Variants in DYNLT1 observed in about 807,000 individuals in gnomAD.
DYNLT1 encodes dynein light chain Tctex-type 1, also known as T-complex testis-specific protein 1 homolog.
A neutral mutation model predicts 19.6 loss-of-function variants in DYNLT1; 18 were observed. The observed-to-expected ratio is 0.92, with a 90% confidence interval of 0.64 to 1.36. The LOEUF (loss-of-function observed/expected upper bound fraction) is 1.36, where lower values mean the gene tolerates loss of function less well. DYNLT1 is among the 40% of genes most tolerant of loss of function. The pLI is 0.00. For missense variants in DYNLT1, 137 were observed against 139.3 expected (o/e 0.98, Z 0.08); for synonymous variants, 56 against 44.0 (o/e 1.27, Z -1.07).
intron 1 of DYNLT1, chr6:158,642,482 T>G (rs573422719): frequency 6.6e-6 from 1 of 152,348 alleles, no homozygotes; most frequent in Middle Eastern, 3.4e-3. Flanking sequence ...ACGTGCATCC[T>G]GAGGGAATCA....
At chr6:158,637,424 A>G in intron 3 of DYNLT1, 2 of 621,998 alleles carry the variant, frequency 3.2e-6, no homozygotes, top group South Asian at 4.1e-5. Flanking sequence ...CAATATATGA[A>G]AATGTAAGTT....
chr6:158,644,605 T>A, intron 1 of DYNLT1, 77 bp downstream of exon 1: 1 of 1,582,056 alleles, frequency 6.3e-7, no homozygotes, highest in Non-Finnish European at 8.6e-7. Context: ...CAGCCAGGCC[T>A]TTCCGGGCAG....
At chr6:158,637,473 G>C in intron 3 of DYNLT1, 1 of 614,504 alleles carries the variant, frequency 1.6e-6, no homozygotes, top group South Asian at 2.1e-5. Context: ...CATCAAAGTT[G>C]AAAAATTCTA....
intron 2 of DYNLT1, among the ~76,000 whole-genome samples, chr6:158,640,512 G>A (rs1051002608): frequency 1.3e-5 from 2 of 151,912 alleles, no homozygotes; most frequent in African/African-American, 2.4e-5. Context: ...TCTCAGCACC[G>A]CTCCAGCCAC....
chr6:158,641,044 C>T (rs1167051601), intron 2 of DYNLT1, among the ~76,000 whole-genome samples: 1 of 152,126 alleles, frequency 6.6e-6, no homozygotes, highest in African/African-American at 2.4e-5. Flanking sequence ...ATTTGTATAC[C>T]AGGATTCTTT....
chr6:158,641,281 CCATTAAA>C (rs759379169), intron 2 of DYNLT1, 31 bp downstream of exon 2: 1 of 1,553,658 alleles, frequency 6.4e-7, no homozygotes, highest in South Asian at 1.2e-5. Context: ...CTAATATAAG[CCATTAAA>C]CATTTAAGAA....
At chr6:158,641,058 G>T (rs1254003581) in intron 2 of DYNLT1, among the ~76,000 whole-genome samples, 1 of 152,016 alleles carries the variant, frequency 6.6e-6, no homozygotes, top group Non-Finnish European at 1.5e-5. Context: ...ATTCTTTTAT[G>T]CTTAAAAGAT....
chr6:158,639,260 T>G (rs1040377200), intron 2 of DYNLT1, among the ~76,000 whole-genome samples: 7 of 152,192 alleles, frequency 4.6e-5, no homozygotes, highest in East Asian at 1.9e-4. Flanking sequence ...AGGGCTGGCT[T>G]ACTTCTTGTC....
intron 1 of DYNLT1, among the ~76,000 whole-genome samples, chr6:158,643,838 T>C (rs186388089): frequency 6.6e-6 from 1 of 152,308 alleles, no homozygotes; most frequent in East Asian, 1.9e-4. Flanking sequence ...ATAGTTTATA[T>C]TTTTGACAGG....
In DYNLT1 at chr6:158,636,663, CTT is replaced by C. The variant is rs967826334; in HGVS notation, c.*162_*163del. ...GTGACCTACAGGGATACTCATCTGA[CTT>C]CGGTGCCATTCACATCACAGTGCGG... On this transcript the variant is annotated 3_prime_UTR_variant, in exon 5 of 5. Transcript: ENST00000367089. 13 of 701,798 alleles carry C rather than the reference CTT, an allele frequency of 1.9e-5. No homozygotes were observed. Among genetic ancestry groups the C allele is most frequent in the Non-Finnish European group, 2.6e-5 (11 of 427,094 alleles). The allele number at this position is 701,798 out of a possible 1,614,324, so 43.5% of individuals were successfully genotyped here. A position where few individuals can be genotyped will look rare whatever the true frequency, so the allele number is the denominator to read the frequency against.
rs563398071 is a variant in DYNLT1 at position 158,639,423 on chromosome 6, G to T, written c.70-1529C>A. On this transcript the variant is annotated intron_variant, in intron 2 of 4. Coordinates refer to ENST00000367089, the MANE Select transcript of DYNLT1 (RefSeq NM_006519.4). ...AGCTAAACCTCTCCCGTCAAAGGGT[G>T]GGGGAGGCTTTGTTGAAGGTAAACC... 5.6e-4 allele frequency among the ~76,000 whole-genome samples: 85 copies of T among 150,650 alleles called. 1 individual carries two copies. The South Asian group carries it at 0.016, about 28-fold the overall frequency.
At chr6:158,643,330 G>A (rs1787198037) in intron 1 of DYNLT1, among the ~76,000 whole-genome samples, 1 of 152,106 alleles carries the variant, frequency 6.6e-6, no homozygotes, top group Admixed American at 6.5e-5. Flanking sequence ...TTATTCACTT[G>A]GTTGCCATCA....
intron 1 of DYNLT1, chr6:158,642,093 G>A (rs1390340562): frequency 1.3e-5 from 2 of 152,132 alleles, no homozygotes; most frequent in Non-Finnish European, 2.9e-5. Flanking sequence ...TTGACCTTGA[G>A]GAGATTTTTT....
chr6:158,640,299 A>C (rs1331434803), intron 2 of DYNLT1, among the ~76,000 whole-genome samples: 2 of 152,242 alleles, frequency 1.3e-5, no homozygotes, highest in African/African-American at 2.4e-5. Context: ...GTTTTTTATC[A>C]AACACTAGTC....
chr6:158,641,247 AGT>A, intron 2 of DYNLT1, 70 bp downstream of exon 2: 1 of 1,377,400 alleles, frequency 7.3e-7, no homozygotes, highest in African/African-American at 1.5e-5. Context: ...ATTCCAAGAT[AGT>A]ATTTAAAACA....
chr6:158,637,616 A>G (rs111479617), intron 3 of DYNLT1, 155 bp downstream of exon 3: 1 of 1,140,392 alleles, frequency 8.8e-7, no homozygotes, highest in Non-Finnish European at 1.3e-6. Context: ...CCAAATGGTC[A>G]AGCGTACGCT....
At chr6:158,637,301 C>A (rs115281201) in intron 3 of DYNLT1, 96 bp from the exon 4 acceptor site, 1 of 1,105,710 alleles carries the variant, frequency 9.0e-7, no homozygotes, top group Non-Finnish European at 1.3e-6. Context: ...TGTAGCTCCA[C>A]GTGGTTGATG....
rs1178048118 is a variant in DYNLT1 at position 158,636,634 on chromosome 6, G to GCAGGTGACCTA, written c.*182_*192dup. On this transcript the variant is annotated 3_prime_UTR_variant, in exon 5 of 5. Transcript: ENST00000367089. ...GTTAAGACAAGTGGCAACGCAGGCT[G>GCAGGTGACCTA]CAGGTGACCTACAGGGATACTCATC... The GCAGGTGACCTA allele has an allele frequency of 5.3e-6, 3 of 566,810 alleles. No individual in the cohort carries two copies. The highest frequency in any genetic ancestry group is 6.2e-6 in the Non-Finnish European group (2 of 321,026). The allele number at this position is 566,810 out of a possible 1,614,324, so 35.1% of individuals were successfully genotyped here.
Position 158,636,666 on chromosome 6 carries a change from C to T in DYNLT1, c.*161G>A, listed in dbSNP as rs796343671. ...ACCTACAGGGATACTCATCTGACTT[C>T]GGTGCCATTCACATCACAGTGCGGT... On this transcript the variant is annotated 3_prime_UTR_variant, in exon 5 of 5. Coordinates refer to ENST00000367089, the MANE Select transcript of DYNLT1 (RefSeq NM_006519.4). 17 of 712,554 alleles carry T rather than the reference C, an allele frequency of 2.4e-5. No individual in the cohort carries two copies. Among genetic ancestry groups the T allele is most frequent in the African/African-American group, 1.1e-4 (6 of 56,050 alleles). 44.1% of individuals were successfully genotyped at this position (712,554 alleles called of 1,614,324 possible).
Sources: gnomAD v4.1 joint callset for allele counts (sites outside exome capture counted in the v4.1 genomes callset) on GRCh38, gnomAD v4.1.1 for gene constraint, MANE v1.5 for transcripts, NCBI Gene and HGNC (gene_info 2026-07-23, HGNC 2026-07-21) for gene names.